Variants in FMNL2 observed in about 807,000 individuals in gnomAD.
FMNL2 encodes the protein formin-like protein 2.
A neutral mutation model predicts 130.2 loss-of-function variants in FMNL2; 51 were observed. That is an observed-to-expected ratio of 0.39 (90% CI 0.31 to 0.49). The LOEUF (loss-of-function observed/expected upper bound fraction) is 0.49, where lower values mean the gene tolerates loss of function less well. Ranked by LOEUF, FMNL2 falls within the 20% of genes least tolerant of loss-of-function variation. FMNL2 has a pLI of 0.85. For missense variants in FMNL2, 977 were observed against 1,316.2 expected (o/e 0.74, Z 3.99); for synonymous variants, 465 against 467.1 (o/e 1.00, Z 0.06).
intron 1 of FMNL2, among the ~76,000 whole-genome samples, chr2:152,405,960 G>A (rs1180801933): frequency 1.3e-5 from 2 of 152,186 alleles, no homozygotes; most frequent in Admixed American, 6.5e-5. Context: ...GAAGCTAGGG[G>A]GATGTAGAAG....
intron 6 of FMNL2, among the ~76,000 whole-genome samples, chr2:152,569,752 G>A (rs1424126334): frequency 1.3e-5 from 2 of 150,566 alleles, no homozygotes; most frequent in Admixed American, 1.3e-4. Context: ...GCTCACATCT[G>A]TAATCTCAGC....
At chr2:152,641,713 C>G (rs759125709) in intron 25 of FMNL2, among the ~76,000 whole-genome samples, 1 of 152,210 alleles carries the variant, frequency 6.6e-6, no homozygotes, top group African/African-American at 2.4e-5. Context: ...TACATGTACA[C>G]TCTACCTACC....
At chr2:152,540,368 A>T (rs1341150655) in intron 2 of FMNL2, among the ~76,000 whole-genome samples, 4 of 152,144 alleles carry the variant, frequency 2.6e-5, no homozygotes, top group African/African-American at 9.7e-5. Context: ...CAGTGATGGC[A>T]CTAGAGATGT....
intron 1 of FMNL2, among the ~76,000 whole-genome samples, chr2:152,506,259 C>T (rs1157049239): frequency 6.6e-6 from 1 of 152,008 alleles, no homozygotes; most frequent in East Asian, 1.9e-4. Flanking sequence ...TCATAGAGGG[C>T]CTTTTATTTT....
chr2:152,609,838 T>C (rs923027909), intron 10 of FMNL2, among the ~76,000 whole-genome samples: 1 of 152,228 alleles, frequency 6.6e-6, no homozygotes, highest in Admixed American at 6.5e-5. Context: ...AGTGTGACTC[T>C]GCATCCCTCA....
intron 9 of FMNL2, among the ~76,000 whole-genome samples, chr2:152,588,604 C>T (rs1475685958): frequency 7.2e-5 from 11 of 152,048 alleles, no homozygotes; most frequent in African/African-American, 2.4e-4. Flanking sequence ...ATCATTCAGC[C>T]TGTCACACCA....
At chr2:152,466,604 A>G (rs989682412) in intron 1 of FMNL2, among the ~76,000 whole-genome samples, 1 of 152,244 alleles carries the variant, frequency 6.6e-6, no homozygotes, top group African/African-American at 2.4e-5. Context: ...AAGTCATCTC[A>G]TGAAACAAAA....
intron 18 of FMNL2, 89 bp from the exon 19 acceptor site, chr2:152,629,567 T>C: frequency 8.1e-7 from 1 of 1,232,534 alleles, no homozygotes; most frequent in Non-Finnish European, 1.1e-6. Context: ...GCAGGCCTGT[T>C]TTCTTCTGTC....
chr2:152,488,351 C>T (rs1268201787), intron 1 of FMNL2, among the ~76,000 whole-genome samples: 1 of 152,150 alleles, frequency 6.6e-6, no homozygotes, highest in Non-Finnish European at 1.5e-5. Flanking sequence ...CAAGCAAGTC[C>T]GCAAATAAGC....
At chr2:152,361,080 A>C (rs918421814) in intron 1 of FMNL2, among the ~76,000 whole-genome samples, 5 of 152,220 alleles carry the variant, frequency 3.3e-5, no homozygotes. Context: ...GCTAAATTTT[A>C]GCAGGCATAC....
chr2:152,439,271 T>A (rs1687935785), intron 1 of FMNL2, among the ~76,000 whole-genome samples: 1 of 152,172 alleles, frequency 6.6e-6, no homozygotes, highest in African/African-American at 2.4e-5. Context: ...TAGTTTTGCA[T>A]GTCTTTAAAA....
At position 152,546,714 on chromosome 2, in the gene FMNL2, C is replaced by T. The variant is rs116235104; in HGVS notation, c.283-2307C>T. Among the ~76,000 whole-genome samples the T allele has an allele frequency of 2.7e-3, 418 of 152,214 alleles. 1 individual carries two copies. Among genetic ancestry groups the T allele is most frequent in the Admixed American group, 6.7e-3 (103 of 15,282 alleles). On this transcript the variant is annotated intron_variant, in intron 3 of 25. Coordinates refer to ENST00000288670, the MANE Select transcript of FMNL2 (RefSeq NM_052905.4). ...CAGCCCGAGACTTAGGACTCTGACACGGGAGTGGCCACACTGAGCAGCCAG... is the reference window on the plus strand; with the variant it reads ...CAGCCCGAGACTTAGGACTCTGACATGGGAGTGGCCACACTGAGCAGCCAG...
intron 6 of FMNL2, among the ~76,000 whole-genome samples, 198 bp downstream of exon 6, chr2:152,561,233 T>C (rs546325097): frequency 2.6e-4 from 40 of 152,320 alleles, no homozygotes; most frequent in African/African-American, 9.4e-4. Flanking sequence ...AAATAGCTTC[T>C]GGAAACACCA....
chr2:152,397,226 A>G (rs797009450), intron 1 of FMNL2, among the ~76,000 whole-genome samples: 39 of 152,324 alleles, frequency 2.6e-4, no homozygotes, highest in African/African-American at 9.4e-4. Context: ...TAATAAATGA[A>G]AGAACTTCAA....
At chr2:152,370,549 T>G (rs920128836) in intron 1 of FMNL2, among the ~76,000 whole-genome samples, 1 of 152,194 alleles carries the variant, frequency 6.6e-6, no homozygotes. Flanking sequence ...TTTTCAGAAA[T>G]GACTTCCAGT....
intron 1 of FMNL2, among the ~76,000 whole-genome samples, chr2:152,511,781 G>A (rs1285026503): frequency 6.6e-6 from 1 of 152,178 alleles, no homozygotes; most frequent in Non-Finnish European, 1.5e-5. Flanking sequence ...AGGGCTGGGG[G>A]AGAGTGAGGC....
chr2:152,387,681 G>T (rs2105915427), intron 1 of FMNL2, among the ~76,000 whole-genome samples: 1 of 151,822 alleles, frequency 6.6e-6, no homozygotes, highest in East Asian at 1.9e-4. Flanking sequence ...TTGGAGTTGG[G>T]GTCTCTCTGT....
chr2:152,347,928 G>GTTTTTTTTTTTTTT (rs11384938), intron 1 of FMNL2, among the ~76,000 whole-genome samples: 1 of 148,170 alleles, frequency 6.7e-6, no homozygotes. Flanking sequence ...TAACTTGGAA[G>GTTTTTTTTTTTTTT]TTTTTTTTTT....
At chr2:152,458,608 A>G (rs1171398729) in intron 1 of FMNL2, among the ~76,000 whole-genome samples, 1 of 152,176 alleles carries the variant, frequency 6.6e-6, no homozygotes, top group Non-Finnish European at 1.5e-5. Flanking sequence ...CTTTCCATCT[A>G]TACCACCATC....
Sources: gnomAD v4.1 joint callset for allele counts (sites outside exome capture counted in the v4.1 genomes callset) on GRCh38, gnomAD v4.1.1 for gene constraint, MANE v1.5 for transcripts, NCBI Gene and HGNC (gene_info 2026-07-23, HGNC 2026-07-21) for gene names.